EYS: variants seen among roughly 807,000 people sequenced by gnomAD.
The protein encoded by EYS is protein eyes shut homolog.
In EYS, 250 loss-of-function variants were observed where a neutral mutation model predicts 282.1. The ratio of observed to expected loss-of-function variants is 0.89; its 90% confidence interval spans 0.80 to 0.98. EYS has a LOEUF of 0.98. Ranked by LOEUF, EYS falls within the 50% of genes least tolerant of loss-of-function variation. EYS has a pLI of 0.00. For missense variants in EYS, 4,016 were observed against 3,709.0 expected (o/e 1.08, Z -2.15); for synonymous variants, 1,355 against 1,282.9 (o/e 1.06, Z -1.20).
chr6:65,480,120 G>A (rs549317952), intron 5 of EYS, among the ~76,000 whole-genome samples: 25 of 152,094 alleles, frequency 1.6e-4, no homozygotes, highest in African/African-American at 4.6e-4. Flanking sequence ...AGCTGAGATC[G>A]CACCACTGCA....
chr6:64,759,182 G>A lies in EYS; in HGVS notation c.3443+54196C>T, dbSNP rs527380303. Among the ~76,000 whole-genome samples the A allele has an allele frequency of 3.3e-5, 5 of 152,122 alleles. No homozygotes were observed. The South Asian group carries it at 1.0e-3, about 32-fold the overall frequency. On this transcript the variant is annotated intron_variant, in intron 22 of 42. Coordinates refer to ENST00000503581, the MANE Select transcript of EYS (RefSeq NM_001142800.2). ...AAAGAAAAAAAATTAGTCTGAAGTTGTAATGAGACAACGGGTAGCTATCAA... is the reference window on the plus strand; with the variant it reads ...AAAGAAAAAAAATTAGTCTGAAGTTATAATGAGACAACGGGTAGCTATCAA...
intron 11 of EYS, among the ~76,000 whole-genome samples, chr6:65,313,325 T>G (rs1389627363): frequency 6.6e-6 from 1 of 151,496 alleles, no homozygotes; most frequent in African/African-American, 2.4e-5. Context: ...ATAGGAGGGT[T>G]TAGAGTAAAG....
At chr6:64,900,957 C>A (rs1767634864) in intron 18 of EYS, among the ~76,000 whole-genome samples, 1 of 151,818 alleles carries the variant, frequency 6.6e-6, no homozygotes, top group South Asian at 2.1e-4. Context: ...TTTATTGCAG[C>A]ACTATTAACA....
intron 12 of EYS, among the ~76,000 whole-genome samples, chr6:65,184,711 C>T (rs1765475152): frequency 6.6e-6 from 1 of 151,262 alleles, no homozygotes. Context: ...AAAATAACAC[C>T]TAATGCTGTA....
At chr6:64,735,683 T>C (rs1194541167) in intron 22 of EYS, among the ~76,000 whole-genome samples, 1 of 152,168 alleles carries the variant, frequency 6.6e-6, no homozygotes, top group African/African-American at 2.4e-5. Flanking sequence ...TAGGGACATA[T>C]CAAAAAAGAA....
chr6:64,634,547 C>CAAAAA (rs57871928), intron 22 of EYS, among the ~76,000 whole-genome samples: 22 of 141,372 alleles, frequency 1.6e-4, no homozygotes, highest in African/African-American at 4.7e-4. Flanking sequence ...CCCTAGCTTC[C>CAAAAA]AAAAAAAAAA....
At chr6:64,337,167 T>C (rs1482960347) in intron 29 of EYS, among the ~76,000 whole-genome samples, 2 of 151,648 alleles carry the variant, frequency 1.3e-5, no homozygotes, top group South Asian at 2.1e-4. Context: ...ACAACAAAAA[T>C]ACAAAAGATA....
intron 7 of EYS, among the ~76,000 whole-genome samples, chr6:65,397,742 T>C (rs535181668): frequency 2.0e-5 from 3 of 152,078 alleles, no homozygotes; most frequent in South Asian, 4.1e-4. Context: ...TATTTTGATA[T>C]AATGATTCCT....
At chr6:65,511,700 C>A (rs1766874269) in intron 2 of EYS, among the ~76,000 whole-genome samples, 2 of 152,030 alleles carry the variant, frequency 1.3e-5, no homozygotes, top group South Asian at 4.1e-4. Context: ...TGCCTATAAT[C>A]TCAGCATTTT....
At chr6:65,458,952 C>T (rs1279060028) in intron 5 of EYS, among the ~76,000 whole-genome samples, 1 of 151,940 alleles carries the variant, frequency 6.6e-6, no homozygotes, top group Non-Finnish European at 1.5e-5. Context: ...ATTGTCACAA[C>T]TTTGTAATGT....
chr6:65,652,694 T>C (rs1057108458), intron 1 of EYS, among the ~76,000 whole-genome samples: 2 of 151,846 alleles, frequency 1.3e-5, no homozygotes. Context: ...CTAGGGAGAA[T>C]ATTGAACTTT....
intron 1 of EYS, among the ~76,000 whole-genome samples, chr6:65,693,926 T>C (rs573419398): frequency 6.7e-6 from 1 of 150,288 alleles, no homozygotes; most frequent in East Asian, 2.3e-4. Flanking sequence ...TTAATTGCTT[T>C]AGTGTTTACT....
chr6:65,435,095 T>G (rs1349302108), intron 5 of EYS, among the ~76,000 whole-genome samples: 1 of 151,760 alleles, frequency 6.6e-6, no homozygotes, highest in Non-Finnish European at 1.5e-5. Context: ...ATATTTTCTA[T>G]CTGATTTAAG....
At chr6:65,473,993 G>T (rs1161873403) in intron 5 of EYS, among the ~76,000 whole-genome samples, 4 of 151,976 alleles carry the variant, frequency 2.6e-5, no homozygotes, top group African/African-American at 4.8e-5. Context: ...GATTTTCCTT[G>T]CAGTTAAGGA....
intron 29 of EYS, among the ~76,000 whole-genome samples, chr6:64,328,634 A>G (rs1485562376): frequency 6.6e-6 from 1 of 152,152 alleles, no homozygotes; most frequent in Non-Finnish European, 1.5e-5. Context: ...TTCAGAAGTT[A>G]GAAGGTTTTG....
intron 22 of EYS, among the ~76,000 whole-genome samples, chr6:64,810,629 A>C (rs888217798): frequency 5.3e-5 from 8 of 152,108 alleles, no homozygotes; most frequent in African/African-American, 1.2e-4. Flanking sequence ...TCAATTGGAA[A>C]AAATAATTCT....
chr6:63,991,738 C>A (rs1767612026), intron 34 of EYS, among the ~76,000 whole-genome samples: 1 of 151,480 alleles, frequency 6.6e-6, no homozygotes, highest in Admixed American at 6.6e-5. Flanking sequence ...AAAATGTACA[C>A]CCAGAATCAA....
At chr6:64,800,473 T>G (rs946482391) in intron 22 of EYS, among the ~76,000 whole-genome samples, 8 of 151,850 alleles carry the variant, frequency 5.3e-5, no homozygotes, top group Non-Finnish European at 1.2e-4. Flanking sequence ...AAAGAAAACA[T>G]ATGCAGTTTT....
chr6:64,537,164 CA>C (rs1764543479), intron 26 of EYS, among the ~76,000 whole-genome samples: 1 of 120,334 alleles, frequency 8.3e-6, no homozygotes. Context: ...CCCCTCCCCC[CA>C]CCCCACAACA....
Sources: allele counts gnomAD v4.1 joint callset (sites outside exome capture counted in the v4.1 genomes callset), GRCh38; gene constraint gnomAD v4.1.1; transcripts MANE v1.5; gene names NCBI Gene and HGNC (gene_info 2026-07-23, HGNC 2026-07-21).